ABCC6: variants seen among roughly 807,000 people sequenced by gnomAD.
The protein encoded by ABCC6 is ATP-binding cassette sub-family C member 6.
ABCC6 carries 126 observed loss-of-function variants against 169.5 expected under a neutral mutation model. The observed-to-expected ratio is 0.74, with a 90% CI of 0.64 to 0.86. The LOEUF is 0.86. Ranked by LOEUF, ABCC6 falls within the 40% of genes least tolerant of loss-of-function variation. The pLI, the probability that ABCC6 is intolerant of heterozygous loss-of-function variation, is 0.00. For synonymous variants in ABCC6, 752 were observed against 814.7 expected, an observed-to-expected ratio of 0.92 and a Z score of 1.31; for missense variants, 1,733 against 1,927.2, an observed-to-expected ratio of 0.90 and a Z score of 1.89.
chr16:16,157,713 G>A lies in ABCC6; in HGVS notation c.3832C>T (p.Leu1278Phe). Residue 1278 changes from leucine (L) to phenylalanine (F), a missense_variant, in exon 27 of 31, where the codon CTC becomes TTC. By Grantham distance (22) the Leu-to-Phe change is conservative (BLOSUM62 0). Coordinates refer to ENST00000205557, the MANE Select transcript of ABCC6 (RefSeq NM_001171.6). ...RDFGLRYRPE[L>F]PLAVQGVSFK... ...GACACGCCCTGCACAGCCAGCGGGAGCTCAGGTCGGTATCTTAGCCCAAAG... is the reference window on the plus strand; with the variant it reads ...GACACGCCCTGCACAGCCAGCGGGAACTCAGGTCGGTATCTTAGCCCAAAG... 1 of 1,614,050 alleles carries A rather than the reference G, an allele frequency of 6.2e-7. No homozygotes were observed. The highest frequency in any genetic ancestry group is 1.3e-5 in the African/African-American group (1 of 75,008).
At chr16:16,153,266 C>T (rs558561355) in intron 29 of ABCC6, among the ~76,000 whole-genome samples, 14 of 152,246 alleles carry the variant, frequency 9.2e-5, no homozygotes, top group South Asian at 2.1e-4. Flanking sequence ...TTATTCAAAA[C>T]GGCCAAGAGG....
At position 16,161,567 on chromosome 16, in the gene ABCC6, G is replaced by T; in HGVS notation, c.3507-3C>A. The T allele has an allele frequency of 6.2e-7, 1 of 1,613,872 alleles. No individual in the cohort carries two copies. The highest frequency in any genetic ancestry group is 8.5e-7 in the Non-Finnish European group (1 of 1,180,018). Reference sequence around the variant, plus strand: ...GCTCCACATTGGCCGCAAGCCACCTGCAAAGGGAAGCGACAGCAGGGTGAG... The same window carrying T: ...GCTCCACATTGGCCGCAAGCCACCTTCAAAGGGAAGCGACAGCAGGGTGAG... On this transcript the variant is annotated splice_region_variant and splice_polypyrimidine_tract_variant and intron_variant, in intron 24 of 30. Transcript: ENST00000205557.
At chr16:16,182,082 G>C (rs1223823535) in intron 17 of ABCC6, among the ~76,000 whole-genome samples, 2 of 152,188 alleles carry the variant, frequency 1.3e-5, no homozygotes, top group Non-Finnish European at 2.9e-5. Flanking sequence ...GGCCCAGAGA[G>C]GGGAAGCAAT....
Position 16,210,470 on chromosome 16 carries a change from G to C in ABCC6, c.663-1611C>G, listed in dbSNP as rs373088678. Reference sequence around the variant, plus strand: ...CCCTTTTCTAATGCAGAGCCAACTTGGGGAAGCAACCGTTCTGACATAGAA... The same window carrying C: ...CCCTTTTCTAATGCAGAGCCAACTTCGGGAAGCAACCGTTCTGACATAGAA... On this transcript the variant is annotated intron_variant, in intron 6 of 30. Coordinates refer to ENST00000205557, the MANE Select transcript of ABCC6 (RefSeq NM_001171.6). Among the ~76,000 whole-genome samples the C allele has an allele frequency of 3.3e-5, 5 of 152,330 alleles. No homozygotes were observed. The East Asian group carries it at 7.7e-4, about 24-fold the overall frequency.
intron 19 of ABCC6, among the ~76,000 whole-genome samples, 171 bp downstream of exon 19, chr16:16,177,281 G>T (rs575836817): frequency 6.6e-6 from 1 of 152,140 alleles, no homozygotes; most frequent in Non-Finnish European, 1.5e-5. Context: ...TGATGTTATC[G>T]GCTATTCTTG....
chr16:16,184,993 C>G lies in ABCC6; in HGVS notation c.1909G>C (p.Ala637Pro). 1 of 1,613,816 alleles carries G rather than the reference C, an allele frequency of 6.2e-7. No homozygotes were observed. Among genetic ancestry groups the G allele is most frequent in the Non-Finnish European group, 8.5e-7 (1 of 1,179,746 alleles). ...DCITIHSATF[A>P]WSQESPPCLH... ...CAGGGAGGGCTTTCCTGGGACCAGG[C>G]GAAGGTGGCACTGTGTATGGTGATG... Residue 637 changes from alanine (A) to proline (P), a missense_variant, in exon 15 of 31, where the codon GCC becomes CCC. Ala to Pro is a conservative substitution (Grantham distance 27). Around this residue, in one of 5 missense-constraint regions of ABCC6, gnomAD observed 1,601 missense variants for 1,635.5 expected, o/e 0.98. Coordinates refer to ENST00000205557, the MANE Select transcript of ABCC6 (RefSeq NM_001171.6).
chr16:16,151,930 C>G (rs2046396265), intron 29 of ABCC6, among the ~76,000 whole-genome samples: 1 of 151,938 alleles, frequency 6.6e-6, no homozygotes, highest in Admixed American at 6.6e-5. Flanking sequence ...CGGCGGCTCA[C>G]ACCTGTAATC....
chr16:16,177,442 C>T lies in ABCC6; in HGVS notation c.2590+10G>A. 1.4e-5 allele frequency: 23 copies of T among 1,614,028 alleles called. No individual in the cohort carries two copies. Among genetic ancestry groups the T allele is most frequent in the Non-Finnish European group, 1.9e-5 (23 of 1,180,038 alleles). On this transcript the variant is annotated intron_variant, in intron 19 of 30. Coordinates refer to ENST00000205557, the MANE Select transcript of ABCC6 (RefSeq NM_001171.6). Reference sequence around the variant, plus strand: ...CCAGGCCTGGAGAATCAGCAAAGCCCACCTAGTACCTCCTTCTCCTCTATC... The same window carrying T: ...CCAGGCCTGGAGAATCAGCAAAGCCTACCTAGTACCTCCTTCTCCTCTATC...
In ABCC6 at chr16:16,149,993, C is replaced by G; in HGVS notation, c.*140G>C. The G allele has an allele frequency of 7.5e-7, 1 of 1,332,394 alleles. No homozygotes were observed. The highest frequency in any genetic ancestry group is 1.0e-6 in the Non-Finnish European group (1 of 952,398). The allele number at this position is 1,332,394 out of a possible 1,614,324, so 82.5% of individuals were successfully genotyped here. On this transcript the variant is annotated 3_prime_UTR_variant, in exon 31 of 31. Coordinates refer to ENST00000205557, the MANE Select transcript of ABCC6 (RefSeq NM_001171.6). ...GCTCTGTGATAATTGGCCACTTTCT[C>G]TGCCATTTTCCTCCCAGAGAGCAAA...
chr16:16,202,336 C>T (rs1392990177), intron 8 of ABCC6, among the ~76,000 whole-genome samples, 158 bp from the exon 9 acceptor site: 6 of 151,586 alleles, frequency 4.0e-5, no homozygotes, highest in Admixed American at 2.0e-4. Context: ...TAATGGTCTC[C>T]GTTATTTCCC....
At chr16:16,151,368 A>G (rs1044840635) in intron 29 of ABCC6, among the ~76,000 whole-genome samples, 2 of 152,082 alleles carry the variant, frequency 1.3e-5, no homozygotes, top group Admixed American at 6.5e-5. Flanking sequence ...TTCTATTTCT[A>G]GTTTGTTTTT....
chr16:16,215,088 C>T (rs531497267), intron 4 of ABCC6, among the ~76,000 whole-genome samples: 1 of 152,240 alleles, frequency 6.6e-6, no homozygotes, highest in East Asian at 1.9e-4. Context: ...CTCCGTTCCA[C>T]CCTCTACCCC....
intron 4 of ABCC6, among the ~76,000 whole-genome samples, chr16:16,217,128 C>A (rs1171656069): frequency 6.6e-6 from 1 of 152,132 alleles, no homozygotes; most frequent in African/African-American, 2.4e-5. Context: ...TAAACCAGAG[C>A]CCTAGTTTTA....
Position 16,150,918 on chromosome 16 carries a change from G to A in ABCC6, c.4209-146C>T, listed in dbSNP as rs116701531. On this transcript the variant is annotated intron_variant, in intron 29 of 30. Coordinates refer to ENST00000205557, the MANE Select transcript of ABCC6 (RefSeq NM_001171.6). The stretch of plus-strand genomic sequence containing the variant: ...CCCACACATGGGGTCTGGGGTCTGT[G>A]GTCTGCAGAACTGATAGGAAGCCTG... 8.6e-5 allele frequency: 128 copies of A among 1,489,294 alleles called. No individual in the cohort carries two copies. The African/African-American group carries it at 1.6e-3, about 18-fold the overall frequency. The allele number at this position is 1,489,294 out of a possible 1,614,324, so 92.3% of individuals were successfully genotyped here. A position where few individuals can be genotyped will look rare whatever the true frequency, so the allele number is the denominator to read the frequency against.
chr16:16,169,382 C>T (rs1176933529), intron 22 of ABCC6, among the ~76,000 whole-genome samples: 1 of 152,186 alleles, frequency 6.6e-6, no homozygotes. Context: ...TGAAAGCCAC[C>T]AGCAGGCAGG....
In ABCC6 at chr16:16,173,376, G is replaced by T; in HGVS notation, c.2695C>A (p.Arg899Ser). Residue 899 changes from arginine to serine, a missense_variant, in exon 21 of 31, where the codon CGT becomes AGT. Physicochemically the swap from Arg to Ser is moderately radical, Grantham distance 110 (BLOSUM62 -1). This residue lies in a region of ABCC6 where 1,601 missense variants were observed against 1,635.5 expected (regional missense o/e 0.98). Coordinates refer to ENST00000205557, the MANE Select transcript of ABCC6 (RefSeq NM_001171.6). ...TCTGTCTGGGCTTCTGAAGTGGTAC[G>T]GTCCTTCTCAGGGACTGACTTGATG... Reference protein sequence around the residue: ...RSIKSVPEKDRTTSEAQTEVP... With the variant: ...RSIKSVPEKDSTTSEAQTEVP... The T allele has an allele frequency of 1.2e-6, 2 of 1,614,060 alleles. No individual in the cohort carries two copies. The highest frequency in any genetic ancestry group is 1.7e-6 in the Non-Finnish European group (2 of 1,180,014).
intron 22 of ABCC6, among the ~76,000 whole-genome samples, chr16:16,167,257 T>C (rs2046907324): frequency 6.6e-6 from 1 of 152,154 alleles, no homozygotes; most frequent in Non-Finnish European, 1.5e-5. Flanking sequence ...AAAGTGGTAC[T>C]TGGTTGTTGG....
intron 10 of ABCC6, 33 bp from the exon 11 acceptor site, chr16:16,192,955 C>T (rs1299143024): frequency 1.6e-5 from 26 of 1,583,532 alleles, no homozygotes; most frequent in Non-Finnish European, 2.2e-5. Flanking sequence ...GTCAGGAGAT[C>T]CCGAGGAGCC....
intron 10 of ABCC6, among the ~76,000 whole-genome samples, chr16:16,195,472 C>G (rs1479928720): frequency 6.6e-6 from 1 of 151,804 alleles, no homozygotes; most frequent in Non-Finnish European, 1.5e-5. Flanking sequence ...GCCACCATGC[C>G]CGGCTAATTT....
Sources: gnomAD v4.1 joint callset for allele counts (sites outside exome capture counted in the v4.1 genomes callset) on GRCh38, gnomAD v4.1.1 for gene constraint, gnomAD v4.1.1 regional missense constraint, MANE v1.5 for transcripts, NCBI Gene and HGNC (gene_info 2026-07-23, HGNC 2026-07-21) for gene names.